The following PXDNL variants were observed in gnomAD, a reference collection of about 807,000 sequenced individuals.
The protein encoded by PXDNL is peroxidasin like.
PXDNL carries 145 observed loss-of-function variants against 150.8 expected under a neutral mutation model. That is an observed-to-expected ratio of 0.96 (90% CI 0.84 to 1.10). The LOEUF is 1.10. PXDNL is among the 50% of genes least tolerant of loss of function. PXDNL has a pLI of 0.00. For synonymous variants in PXDNL, 757 were observed against 725.7 expected, an observed-to-expected ratio of 1.04 and a Z score of -0.69; for missense variants, 2,087 against 1,873.9, an observed-to-expected ratio of 1.11 and a Z score of -2.10.
intron 2 of PXDNL, among the ~76,000 whole-genome samples, chr8:51,640,782 A>C (rs957810454): frequency 5.3e-5 from 8 of 152,098 alleles, no homozygotes; most frequent in African/African-American, 1.9e-4. Context: ...ATACTGCCCA[A>C]GGTAATTTAT....
At chr8:51,808,063 GATA>G (rs1355201261) in intron 1 of PXDNL, among the ~76,000 whole-genome samples, 17 of 152,260 alleles carry the variant, frequency 1.1e-4, no homozygotes, top group South Asian at 2.1e-4. Flanking sequence ...AAAATCTATG[GATA>G]ATATGTCATT....
chr8:51,474,799 T>G (rs1211798008), intron 7 of PXDNL, among the ~76,000 whole-genome samples, 173 bp downstream of exon 7: 1 of 152,202 alleles, frequency 6.6e-6, no homozygotes, highest in African/African-American at 2.4e-5. Flanking sequence ...AAAAACTTCT[T>G]TAAATGAAAA....
chr8:51,764,656 A>G, intron 1 of PXDNL, among the ~76,000 whole-genome samples: 1 of 152,150 alleles, frequency 6.6e-6, no homozygotes. Context: ...CCAGGTAGTT[A>G]GAGATCATAC....
intron 1 of PXDNL, among the ~76,000 whole-genome samples, chr8:51,747,276 T>C (rs1308317089): frequency 6.6e-6 from 1 of 152,222 alleles, no homozygotes; most frequent in Non-Finnish European, 1.5e-5. Flanking sequence ...AGGCAAACAC[T>C]GTGCTCCTTC....
intron 2 of PXDNL, among the ~76,000 whole-genome samples, chr8:51,637,102 G>A (rs1429959870): frequency 6.6e-6 from 1 of 152,148 alleles, no homozygotes; most frequent in Non-Finnish European, 1.5e-5. Context: ...GGACCTCCAG[G>A]AAACTCCAAC....
At chr8:51,723,084 T>C (rs573483568) in intron 1 of PXDNL, among the ~76,000 whole-genome samples, 3 of 148,648 alleles carry the variant, frequency 2.0e-5, no homozygotes, top group Non-Finnish European at 4.5e-5. Flanking sequence ...CCACACACAA[T>C]AAAAAAAGAA....
intron 10 of PXDNL, among the ~76,000 whole-genome samples, chr8:51,451,152 AT>A (rs1261423339): frequency 6.6e-6 from 1 of 151,256 alleles, no homozygotes; most frequent in Non-Finnish European, 1.5e-5. Context: ...ATTATTAAAA[AT>A]ATTAACATTT....
chr8:51,352,044 T>A (rs1806369411), intron 19 of PXDNL, among the ~76,000 whole-genome samples: 1 of 151,946 alleles, frequency 6.6e-6, no homozygotes, highest in Non-Finnish European at 1.5e-5. Context: ...AGAAAAGGGA[T>A]GACATGAGGG....
intron 19 of PXDNL, among the ~76,000 whole-genome samples, chr8:51,364,916 T>C (rs1462828398): frequency 1.3e-5 from 2 of 152,226 alleles, no homozygotes; most frequent in African/African-American, 2.4e-5. Flanking sequence ...GTAAATGCTA[T>C]GTTATACAAC....
intron 1 of PXDNL, among the ~76,000 whole-genome samples, chr8:51,696,195 T>C (rs1816120346): frequency 6.6e-6 from 1 of 152,268 alleles, no homozygotes; most frequent in Middle Eastern, 3.4e-3. Flanking sequence ...AAAATTCTTA[T>C]GTTGAAGCCC....
chr8:51,340,020 T>G, intron 20 of PXDNL: 1 of 273,778 alleles, frequency 3.7e-6, no homozygotes, highest in South Asian at 6.4e-5. Flanking sequence ...GGAAATTTCA[T>G]GTTGTATTAC....
intron 1 of PXDNL, among the ~76,000 whole-genome samples, chr8:51,754,038 C>A (rs528227890): frequency 6.6e-6 from 1 of 152,048 alleles, no homozygotes; most frequent in Admixed American, 6.6e-5. Context: ...TGATAACAAG[C>A]GCCAAGGATT....
intron 1 of PXDNL, among the ~76,000 whole-genome samples, chr8:51,803,305 G>A (rs1459633561): frequency 6.6e-6 from 1 of 152,136 alleles, no homozygotes; most frequent in East Asian, 1.9e-4. Flanking sequence ...GCGAGGTCCA[G>A]TAGAAAACCT....
intron 12 of PXDNL, among the ~76,000 whole-genome samples, chr8:51,446,418 A>G (rs959535256): frequency 4.6e-5 from 7 of 152,266 alleles, no homozygotes; most frequent in African/African-American, 1.7e-4. Context: ...AAATTTCAGC[A>G]GTAATTAATA....
chr8:51,515,539 T>G (rs1811518289), intron 4 of PXDNL, among the ~76,000 whole-genome samples: 1 of 152,178 alleles, frequency 6.6e-6, no homozygotes, highest in African/African-American at 2.4e-5. Context: ...ATGGCAAAAG[T>G]CCTTGGGAGC....
chr8:51,407,625 C>A (rs921645549), intron 17 of PXDNL, among the ~76,000 whole-genome samples: 1 of 152,108 alleles, frequency 6.6e-6, no homozygotes, highest in Non-Finnish European at 1.5e-5. Context: ...AAATTCCGAC[C>A]ATGAATTTAG....
At chr8:51,648,300 T>C (rs1190202451) in intron 2 of PXDNL, among the ~76,000 whole-genome samples, 4 of 152,226 alleles carry the variant, frequency 2.6e-5, no homozygotes, top group African/African-American at 9.6e-5. Flanking sequence ...GTGATTAAAT[T>C]AAGGATCTTG....
intron 20 of PXDNL, among the ~76,000 whole-genome samples, 163 bp downstream of exon 20, chr8:51,345,670 A>G (rs1312904557): frequency 6.6e-6 from 1 of 152,174 alleles, no homozygotes; most frequent in Admixed American, 6.5e-5. Flanking sequence ...ATGGAACCCA[A>G]ACACATTACA....
intron 6 of PXDNL, among the ~76,000 whole-genome samples, chr8:51,479,804 C>A (rs1193081884): frequency 6.6e-6 from 1 of 152,144 alleles, no homozygotes; most frequent in Non-Finnish European, 1.5e-5. Flanking sequence ...AAAACCCAGA[C>A]TTCACCACTA....
Sources: allele counts gnomAD v4.1 joint callset (sites outside exome capture counted in the v4.1 genomes callset), GRCh38; gene constraint gnomAD v4.1.1; transcripts MANE v1.5; gene names NCBI Gene and HGNC (gene_info 2026-07-23, HGNC 2026-07-21).